The following SDK1 variants were observed in gnomAD, a reference collection of about 807,000 sequenced individuals.
SDK1 encodes the protein protein sidekick-1.
SDK1 carries 157 observed loss-of-function variants against 245.5 expected under a neutral mutation model. The ratio of observed to expected loss-of-function variants is 0.64; its 90% CI spans 0.56 to 0.73. SDK1 has a LOEUF of 0.73. Ranked by LOEUF, SDK1 falls within the 30% of genes least tolerant of loss-of-function variation. SDK1 has a pLI of 0.00. For missense variants in SDK1, 3,583 were observed against 3,002.3 expected, an observed-to-expected ratio of 1.19 and a Z score of -4.52; for synonymous variants, 1,647 against 1,278.5, an observed-to-expected ratio of 1.29 and a Z score of -6.15.
intron 1 of SDK1, among the ~76,000 whole-genome samples, chr7:3,454,247 C>T (rs766963617): frequency 1.1e-4 from 17 of 152,088 alleles, no homozygotes; most frequent in Non-Finnish European, 1.9e-4. Flanking sequence ...CAAATAAAAT[C>T]GATACAGCTA....
At chr7:4,126,961 C>G (rs1422875042) in intron 25 of SDK1, among the ~76,000 whole-genome samples, 3 of 152,184 alleles carry the variant, frequency 2.0e-5, no homozygotes, top group Non-Finnish European at 2.9e-5. Flanking sequence ...CCTTCCCCTT[C>G]TTTTGTGTAA....
intron 1 of SDK1, among the ~76,000 whole-genome samples, chr7:3,379,030 C>G (rs1268054162): frequency 6.6e-6 from 1 of 152,170 alleles, no homozygotes; most frequent in Non-Finnish European, 1.5e-5. Context: ...CTATGGCCTG[C>G]TTCTCCTGGC....
At chr7:3,849,941 G>C (rs1780377219) in intron 5 of SDK1, among the ~76,000 whole-genome samples, 1 of 152,174 alleles carries the variant, frequency 6.6e-6, no homozygotes, top group South Asian at 2.1e-4. Context: ...AGAGAATTCA[G>C]AAGTTTGGAA....
At chr7:3,526,937 A>G (rs189084004) in intron 1 of SDK1, among the ~76,000 whole-genome samples, 1 of 152,098 alleles carries the variant, frequency 6.6e-6, no homozygotes, top group Non-Finnish European at 1.5e-5. Context: ...CTTACCTTTT[A>G]TAATGTTCAG....
intron 5 of SDK1, among the ~76,000 whole-genome samples, chr7:3,880,372 A>T (rs1781177102): frequency 1.3e-5 from 2 of 152,150 alleles, no homozygotes; most frequent in Non-Finnish European, 2.9e-5. Context: ...AGCCCTGATT[A>T]GCGGTTGGGC....
intron 5 of SDK1, among the ~76,000 whole-genome samples, chr7:3,932,470 T>A (rs1780011042): frequency 6.6e-6 from 1 of 152,166 alleles, no homozygotes; most frequent in Non-Finnish European, 1.5e-5. Context: ...TTGGGTCATA[T>A]CAGAAAATGC....
At chr7:3,335,109 C>T (rs760691345) in intron 1 of SDK1, among the ~76,000 whole-genome samples, 2 of 152,222 alleles carry the variant, frequency 1.3e-5, no homozygotes, top group African/African-American at 4.8e-5. Flanking sequence ...ACCATCATCA[C>T]TAATAAGCCT....
At chr7:4,192,919 T>A (rs1367073003) in intron 35 of SDK1, among the ~76,000 whole-genome samples, 1 of 151,026 alleles carries the variant, frequency 6.6e-6, no homozygotes, top group Non-Finnish European at 1.5e-5. Context: ...TCACAAATAC[T>A]TTTACCATAT....
chr7:4,108,081 C>T (rs902798421), intron 22 of SDK1, among the ~76,000 whole-genome samples: 1 of 152,190 alleles, frequency 6.6e-6, no homozygotes, highest in Non-Finnish European at 1.5e-5. Flanking sequence ...TTCAAGCCAA[C>T]CTGAGTGAGC....
chr7:4,046,019 C>T (rs1358982092), intron 17 of SDK1, among the ~76,000 whole-genome samples: 1 of 151,846 alleles, frequency 6.6e-6, no homozygotes, highest in African/African-American at 2.4e-5. Flanking sequence ...GCCTCACACT[C>T]CTGGGGTCAA....
chr7:4,235,199 CTG>C (rs1786078382), intron 41 of SDK1, among the ~76,000 whole-genome samples: 1 of 152,078 alleles, frequency 6.6e-6, no homozygotes, highest in African/African-American at 2.4e-5. Context: ...GAGTCTCACT[CTG>C]TTGCCCAGGC....
At chr7:3,973,573 AT>A (rs543163694) in intron 12 of SDK1, among the ~76,000 whole-genome samples, 19 of 150,308 alleles carry the variant, frequency 1.3e-4, no homozygotes, top group African/African-American at 1.5e-4. Context: ...TTGAAGGGTG[AT>A]TTTTTTTTTC....
At position 3,884,059 on chromosome 7, in the gene SDK1, TGTTTTTTG is replaced by T. The variant is rs1451521469; in HGVS notation, c.847+62477_847+62484del. 3.8e-5 allele frequency among the ~76,000 whole-genome samples: 5 copies of T among 131,954 alleles called. 1 individual carries two copies. Among genetic ancestry groups the T allele is most frequent in the African/African-American group, 1.8e-4 (5 of 27,470 alleles). 86.6% of individuals were successfully genotyped at this position (131,954 alleles called of 152,430 possible). A position where few individuals can be genotyped will look rare whatever the true frequency, so the allele number is the denominator to read the frequency against. On this transcript the variant is annotated intron_variant, in intron 5 of 44. Coordinates refer to ENST00000404826, the MANE Select transcript of SDK1 (RefSeq NM_152744.4). ...GTGATTGGTTTTTTGTTTGTTTGTT[TGTTTTTTG>T]TTTGTTTGTTTTTTTGTTTTTTTTT...
chr7:3,486,080 C>CT (rs1333390901), intron 1 of SDK1, among the ~76,000 whole-genome samples: 1 of 151,786 alleles, frequency 6.6e-6, no homozygotes, highest in Non-Finnish European at 1.5e-5. Flanking sequence ...ATGCTTAGTG[C>CT]TTTTTTCCCC....
intron 35 of SDK1, among the ~76,000 whole-genome samples, chr7:4,202,600 C>A (rs979658115): frequency 6.6e-6 from 1 of 152,184 alleles, no homozygotes; most frequent in African/African-American, 2.4e-5. Context: ...AAATGGATGA[C>A]CTTCCGCCTG....
At chr7:3,390,875 A>G (rs1267160852) in intron 1 of SDK1, among the ~76,000 whole-genome samples, 1 of 152,190 alleles carries the variant, frequency 6.6e-6, no homozygotes, top group Admixed American at 6.5e-5. Context: ...GCATTTTGTT[A>G]TGGTAGCCCT....
chr7:3,335,891 C>T (rs979880795), intron 1 of SDK1, among the ~76,000 whole-genome samples: 4 of 152,148 alleles, frequency 2.6e-5, no homozygotes, highest in African/African-American at 7.2e-5. Flanking sequence ...CCCTGGACTT[C>T]ATATAACAAA....
chr7:4,069,687 T>C (rs1780123462), intron 20 of SDK1, among the ~76,000 whole-genome samples: 1 of 152,228 alleles, frequency 6.6e-6, no homozygotes, highest in East Asian at 1.9e-4. Context: ...CTCTCCCTCC[T>C]GCCAGGCTGC....
intron 5 of SDK1, among the ~76,000 whole-genome samples, chr7:3,844,379 A>G (rs763329441): frequency 6.6e-6 from 1 of 152,188 alleles, no homozygotes; most frequent in Non-Finnish European, 1.5e-5. Flanking sequence ...GGAATTGCTT[A>G]CACAGACAGG....
Sources: gnomAD v4.1 joint callset for allele counts (sites outside exome capture counted in the v4.1 genomes callset) on GRCh38, gnomAD v4.1.1 for gene constraint, MANE v1.5 for transcripts, NCBI Gene and HGNC (gene_info 2026-07-23, HGNC 2026-07-21) for gene names.